PTPRT: variants seen among roughly 807,000 people sequenced by gnomAD.
PTPRT encodes protein tyrosine phosphatase receptor type T, also known as receptor-type tyrosine-protein phosphatase T.
In PTPRT, 56 loss-of-function variants were observed where a neutral mutation model predicts 176.8. The observed-to-expected ratio is 0.32, with a 90% CI of 0.26 to 0.40. PTPRT has a LOEUF of 0.40. PTPRT is among the 10% of genes least tolerant of loss of function. The pLI is 1.00. For synonymous variants in PTPRT, 783 were observed against 739.0 expected, an observed-to-expected ratio of 1.06 and a Z score of -0.96; for missense variants, 1,540 against 1,908.2, an observed-to-expected ratio of 0.81 and a Z score of 3.60.
chr20:42,345,073 G>C (rs554094833), intron 11 of PTPRT, among the ~76,000 whole-genome samples: 4 of 151,968 alleles, frequency 2.6e-5, no homozygotes, highest in African/African-American at 9.7e-5. Context: ...GAACAAGCTG[G>C]CCAAACACAG....
chr20:42,289,547 T>A (rs2057285580), intron 12 of PTPRT, among the ~76,000 whole-genome samples: 1 of 152,162 alleles, frequency 6.6e-6, no homozygotes, highest in South Asian at 2.1e-4. Context: ...GCATTGTTAA[T>A]CATCGGAGAA....
At chr20:42,662,094 C>T (rs1281796916) in intron 7 of PTPRT, among the ~76,000 whole-genome samples, 2 of 152,130 alleles carry the variant, frequency 1.3e-5, no homozygotes, top group Non-Finnish European at 1.5e-5. Flanking sequence ...AGGCCTAGGG[C>T]CTAGGTAATG....
intron 14 of PTPRT, among the ~76,000 whole-genome samples, chr20:42,246,257 G>C (rs1468401790): frequency 1.3e-5 from 2 of 152,068 alleles, no homozygotes; most frequent in African/African-American, 2.4e-5. Flanking sequence ...TTAGTGGAAA[G>C]AGTGCAGGCC....
At chr20:42,556,928 C>T (rs1437514289) in intron 7 of PTPRT, among the ~76,000 whole-genome samples, 1 of 152,162 alleles carries the variant, frequency 6.6e-6, no homozygotes, top group Non-Finnish European at 1.5e-5. Context: ...GCACCAGGGT[C>T]TGAGACCACC....
chr20:42,581,508 A>C lies in PTPRT; in HGVS notation c.1153+96358T>G, dbSNP rs183454060. ...CAATGAATATCTATTGAATTGCACT[A>C]TCTCTCTAATTGGTGGCTGCATAAA... On this transcript the variant is annotated intron_variant, in intron 7 of 30. Coordinates refer to ENST00000373187, the MANE Select transcript of PTPRT (RefSeq NM_007050.6). Among the ~76,000 whole-genome samples the C allele has an allele frequency of 2.1e-3, 307 of 147,376 alleles. 2 individuals are homozygous for C. Among genetic ancestry groups the C allele is most frequent in the African/African-American group, 7.7e-3 (301 of 39,178 alleles).
chr20:43,141,348 G>A (rs1483041792), intron 1 of PTPRT, among the ~76,000 whole-genome samples: 1 of 152,202 alleles, frequency 6.6e-6, no homozygotes, highest in African/African-American at 2.4e-5. Context: ...GTGATCAGCA[G>A]CTGCTCAGCA....
At chr20:42,874,499 A>G (rs1351880102) in intron 2 of PTPRT, among the ~76,000 whole-genome samples, 1 of 152,204 alleles carries the variant, frequency 6.6e-6, no homozygotes, top group African/African-American at 2.4e-5. Context: ...AGATGATTGA[A>G]TTAGGCAAAA....
chr20:42,524,400 A>G (rs1178929641), intron 7 of PTPRT, among the ~76,000 whole-genome samples: 2 of 152,134 alleles, frequency 1.3e-5, no homozygotes, highest in Admixed American at 6.5e-5. Context: ...CCATACTATC[A>G]ACCATGTATG....
At chr20:42,972,780 C>T (rs74825336) in intron 1 of PTPRT, among the ~76,000 whole-genome samples, 323 of 149,900 alleles carry the variant, frequency 2.2e-3, no homozygotes, top group Non-Finnish European at 3.0e-3. Flanking sequence ...CATGAGCTGG[C>T]GTCTATTTTG....
intron 22 of PTPRT, among the ~76,000 whole-genome samples, chr20:42,113,311 C>G (rs888717586): frequency 6.6e-6 from 1 of 152,232 alleles, no homozygotes; most frequent in African/African-American, 2.4e-5. Context: ...CCTCCCTGCC[C>G]GTGTCGCCAG....
intron 1 of PTPRT, among the ~76,000 whole-genome samples, chr20:43,143,073 C>T (rs2014065675): frequency 6.6e-6 from 1 of 152,112 alleles, no homozygotes; most frequent in African/African-American, 2.4e-5. Flanking sequence ...GGGCACCTTC[C>T]AAGAGACCCT....
At chr20:42,765,382 G>T (rs946683856) in intron 5 of PTPRT, among the ~76,000 whole-genome samples, 1 of 152,128 alleles carries the variant, frequency 6.6e-6, no homozygotes, top group African/African-American at 2.4e-5. Flanking sequence ...GATGAGTAGT[G>T]TCTGATGGTG....
chr20:42,423,178 T>TAAAAAAA (rs34775268), intron 9 of PTPRT, among the ~76,000 whole-genome samples: 48 of 88,028 alleles, frequency 5.5e-4, no homozygotes, highest in African/African-American at 1.2e-3. Flanking sequence ...ACCTTAAAAG[T>TAAAAAAA]AAAAAAAAAA....
chr20:42,633,535 C>T (rs1246961099), intron 7 of PTPRT, among the ~76,000 whole-genome samples: 4 of 151,758 alleles, frequency 2.6e-5, no homozygotes, highest in East Asian at 1.9e-4. Flanking sequence ...ATGGCTCACA[C>T]CTGTAATCCC....
intron 7 of PTPRT, among the ~76,000 whole-genome samples, chr20:42,500,589 A>G (rs1420629105): frequency 1.3e-5 from 2 of 152,058 alleles, no homozygotes; most frequent in Non-Finnish European, 2.9e-5. Context: ...CTTTAAAAAA[A>G]TTCTCTGCCC....
chr20:42,143,579 T>C (rs1337094343), intron 17 of PTPRT, among the ~76,000 whole-genome samples: 1 of 148,928 alleles, frequency 6.7e-6, no homozygotes, highest in South Asian at 2.1e-4. Flanking sequence ...AAAAAAGTTG[T>C]GGCAGTACTC....
At chr20:42,094,132 A>G (rs1984940286) in intron 27 of PTPRT, among the ~76,000 whole-genome samples, 1 of 152,214 alleles carries the variant, frequency 6.6e-6, no homozygotes, top group African/African-American at 2.4e-5. Flanking sequence ...CCCGAAGTGA[A>G]GTTCTTTGAA....
At chr20:42,286,642 A>G (rs528826890) in intron 12 of PTPRT, among the ~76,000 whole-genome samples, 1 of 151,896 alleles carries the variant, frequency 6.6e-6, no homozygotes, top group Non-Finnish European at 1.5e-5. Flanking sequence ...AGAAGAAAAC[A>G]TAAGGGAAAT....
intron 1 of PTPRT, among the ~76,000 whole-genome samples, chr20:42,937,381 T>C (rs1461599108): frequency 6.6e-6 from 1 of 152,176 alleles, no homozygotes; most frequent in African/African-American, 2.4e-5. Flanking sequence ...ATTAAGATTT[T>C]CAGAAATGAG....
Sources: allele counts gnomAD v4.1 joint callset (sites outside exome capture counted in the v4.1 genomes callset), GRCh38; gene constraint gnomAD v4.1.1; transcripts MANE v1.5; gene names NCBI Gene and HGNC (gene_info 2026-07-23, HGNC 2026-07-21).